The following MYPN variants were observed in gnomAD, a reference collection of about 807,000 sequenced individuals.
MYPN encodes the protein myopalladin.
A neutral mutation model predicts 129.4 loss-of-function variants in MYPN; 63 were observed. The ratio of observed to expected loss-of-function variants is 0.49; its 90% confidence interval spans 0.40 to 0.60. The LOEUF is 0.60. Ranked by LOEUF, MYPN falls within the 20% of genes least tolerant of loss-of-function variation. The pLI, the probability that MYPN is intolerant of heterozygous loss-of-function variation, is 0.00. For synonymous variants in MYPN, 629 were observed against 600.9 expected, an observed-to-expected ratio of 1.05 and a Z score of -0.68; for missense variants, 1,596 against 1,635.4, an observed-to-expected ratio of 0.98 and a Z score of 0.42.
intron 6 of MYPN, among the ~76,000 whole-genome samples, chr10:68,155,592 A>G (rs968559768): frequency 6.6e-6 from 1 of 152,200 alleles, no homozygotes; most frequent in African/African-American, 2.4e-5. Flanking sequence ...TGTACACCCC[A>G]TGCCATTAGT....
At chr10:68,175,521 T>C (rs1445430364) in intron 12 of MYPN, 60 bp downstream of exon 12, 1 of 1,592,840 alleles carries the variant, frequency 6.3e-7, no homozygotes, top group East Asian at 2.2e-5. Flanking sequence ...TTAATTTTGC[T>C]TGATTCAGTC....
intron 2 of MYPN, among the ~76,000 whole-genome samples, chr10:68,140,312 G>A (rs889859761): frequency 6.6e-6 from 1 of 152,164 alleles, no homozygotes; most frequent in Non-Finnish European, 1.5e-5. Flanking sequence ...ACTATAGGAT[G>A]AGATAAGATG....
chr10:68,141,472 AG>A (rs1467119758), intron 2 of MYPN, among the ~76,000 whole-genome samples: 1 of 152,182 alleles, frequency 6.6e-6, no homozygotes, highest in African/African-American at 2.4e-5. Flanking sequence ...GCAACTGCCA[AG>A]GCTACTTAAT....
intron 2 of MYPN, among the ~76,000 whole-genome samples, chr10:68,140,430 G>A (rs779012306): frequency 7.2e-5 from 11 of 151,982 alleles, no homozygotes; most frequent in Admixed American, 1.3e-4. Context: ...CTAGGAAACT[G>A]GTGAGGCAAG....
chr10:68,109,550 C>T lies in MYPN; in HGVS notation c.-175C>T. The T allele has an allele frequency of 2.2e-6, 1 of 454,108 alleles. No homozygotes were observed. The allele number at this position is 454,108 out of a possible 1,614,324, so 28.1% of individuals were successfully genotyped here. ...GTCCAGCTTCTTACAGCCATCTTCA[C>T]TGAAACTAAGGTTAACTCCTCACTC... On this transcript the variant is annotated 5_prime_UTR_variant, in exon 1 of 20. Transcript: ENST00000358913.
chr10:68,156,757 C>T (rs947314778), intron 6 of MYPN, among the ~76,000 whole-genome samples: 1 of 152,078 alleles, frequency 6.6e-6, no homozygotes, highest in South Asian at 2.1e-4. Context: ...TTCGTAACAG[C>T]GAATGACAAA....
chr10:68,185,214 G>T (rs2043402031), intron 12 of MYPN, among the ~76,000 whole-genome samples: 1 of 145,486 alleles, frequency 6.9e-6, no homozygotes, highest in Admixed American at 7.1e-5. Flanking sequence ...AGGAAGGGAA[G>T]AAGTGAAAAG....
intron 4 of MYPN, among the ~76,000 whole-genome samples, chr10:68,146,057 T>C (rs1451868663): frequency 3.9e-5 from 6 of 152,110 alleles, no homozygotes; most frequent in Admixed American, 6.5e-5. Flanking sequence ...CCTATTGTTT[T>C]CCTGACTCAG....
At chr10:68,157,665 C>A in intron 6 of MYPN, among the ~76,000 whole-genome samples, 2 of 84,580 alleles carry the variant, frequency 2.4e-5, no homozygotes, top group African/African-American at 3.8e-5. Context: ...AAAACCCTGT[C>A]TCTACAAAAA....
chr10:68,159,376 A>T (rs375622593), intron 7 of MYPN, among the ~76,000 whole-genome samples: 6 of 152,368 alleles, frequency 3.9e-5, no homozygotes, highest in African/African-American at 1.4e-4. Flanking sequence ...CCATTTTATT[A>T]AAAATCTTCA....
chr10:68,147,042 A>C (rs982622622), intron 4 of MYPN, among the ~76,000 whole-genome samples: 1 of 152,240 alleles, frequency 6.6e-6, no homozygotes, highest in East Asian at 1.9e-4. Context: ...TCACAGTTTT[A>C]CAATGAGCCA....
intron 4 of MYPN, 99 bp from the exon 5 acceptor site, chr10:68,148,254 C>T (rs926333682): frequency 2.1e-5 from 20 of 965,052 alleles, no homozygotes; most frequent in African/African-American, 5.0e-5. Context: ...TTTTATTACA[C>T]TCACCTGTAA....
At position 68,090,802 on chromosome 10, in the gene MYPN, C is replaced by T. The variant is rs537933526; in HGVS notation, c.-2+2810C>T. On this transcript the variant is annotated intron_variant, in intron 1 of 6. Coordinates refer to the MYPN transcript ENST00000685154. ...AAGGTGACACATTGAATTATAGGAT[C>T]GCTTCTTAAGGAAGTCCAGTTGGTT... Among the ~76,000 whole-genome samples, 5 of 152,242 alleles carry T rather than the reference C, an allele frequency of 3.3e-5. No individual in the cohort carries two copies. The East Asian group carries it at 7.7e-4, about 23-fold the overall frequency.
intron 6 of MYPN, among the ~76,000 whole-genome samples, chr10:68,152,958 TTTTATTTTATTTTATTTTA>T (rs1364512014): frequency 1.6e-4 from 22 of 138,762 alleles, no homozygotes; most frequent in African/African-American, 4.8e-4. Context: ...TTTTATGTTA[TTTTATTTTATTTTATTTTA>T]TTTATTTTAT....
intron 4 of MYPN, among the ~76,000 whole-genome samples, 167 bp downstream of exon 4, chr10:68,145,693 G>A (rs1263300348): frequency 6.6e-6 from 1 of 152,176 alleles, no homozygotes; most frequent in Non-Finnish European, 1.5e-5. Flanking sequence ...TGGATTTGAA[G>A]AAGACCCTAC....
intron 1 of MYPN, among the ~76,000 whole-genome samples, chr10:68,110,238 C>A (rs1474878359): frequency 1.3e-5 from 2 of 152,090 alleles, no homozygotes; most frequent in African/African-American, 4.8e-5. Flanking sequence ...AGGGACATTG[C>A]TCTTTCTTTC....
At chr10:68,105,078 C>T (rs936398098), upstream of MYPN, among the ~76,000 whole-genome samples, 1 of 152,144 alleles carries the variant, frequency 6.6e-6, no homozygotes, top group Non-Finnish European at 1.5e-5. Flanking sequence ...CCACCATGCC[C>T]GGCCTAATAT....
chr10:68,177,410 C>T (rs950509631), intron 12 of MYPN, among the ~76,000 whole-genome samples: 1 of 152,120 alleles, frequency 6.6e-6, no homozygotes, highest in South Asian at 2.1e-4. Flanking sequence ...ACATTCCATG[C>T]CATGGATAAT....
At position 68,165,713 on chromosome 10, in the gene MYPN, A is replaced by G. The variant is rs757789273; in HGVS notation, c.1495A>G (p.Thr499Ala). The G allele has an allele frequency of 6.2e-6, 10 of 1,614,034 alleles. No homozygotes were observed. The highest frequency in any genetic ancestry group is 8.5e-6 in the Non-Finnish European group (10 of 1,179,886). ...RSMAEPEEICTLVIAEVFAED... is the reference protein window; with the variant it reads ...RSMAEPEEICALVIAEVFAED... The stretch of plus-strand genomic sequence containing the variant: ...TCACTGGCATATAGAGGAGATTTGC[A>G]CCTTGGTCATTGCTGAGGTGTTTGC... The change falls in exon 9 of 20, where the codon ACC (threonine) becomes GCC (alanine). Residue 499 changes from threonine (T) to alanine (A), a missense_variant. Coordinates refer to ENST00000358913, the MANE Select transcript of MYPN (RefSeq NM_032578.4).
Sources: allele counts gnomAD v4.1 joint callset (sites outside exome capture counted in the v4.1 genomes callset), GRCh38; gene constraint gnomAD v4.1.1; transcripts MANE v1.5; gene names NCBI Gene and HGNC (gene_info 2026-07-23, HGNC 2026-07-21).